Variants in KDM2B observed in about 807,000 individuals in gnomAD.
KDM2B encodes the protein lysine-specific demethylase 2B.
Under a neutral mutation model 150.0 loss-of-function variants are expected in KDM2B, and 26 were observed. The ratio of observed to expected loss-of-function variants is 0.17; its 90% CI spans 0.13 to 0.24. KDM2B has a LOEUF of 0.24. Among genes scored for constraint, KDM2B ranks in the 10% least tolerant of loss-of-function variants. The probability of loss-of-function intolerance (pLI) is 1.00; values close to 1 mark genes in which losing one functional copy is unlikely to be tolerated. For missense variants in KDM2B, 1,265 were observed against 1,816.9 expected, an observed-to-expected ratio of 0.70 and a Z score of 5.52; for synonymous variants, 734 against 729.5, an observed-to-expected ratio of 1.01 and a Z score of -0.10.
chr12:121,420,795 A>AT, the KDM2B span: 1 of 1,585,996 alleles, frequency 6.3e-7, no homozygotes, highest in Non-Finnish European at 8.7e-7. Context: ...TTATCTTTTC[A>AT]TTTTTTCCCT....
At chr12:121,498,501 T>G (rs1178538743) in intron 11 of KDM2B, among the ~76,000 whole-genome samples, 1 of 152,250 alleles carries the variant, frequency 6.6e-6, no homozygotes, top group Non-Finnish European at 1.5e-5. Flanking sequence ...ATCTCTGCAT[T>G]TTTAAATGTT....
chr12:121,421,371 T>TTA, the KDM2B span, among the ~76,000 whole-genome samples: 9 of 46,378 alleles, frequency 1.9e-4, no homozygotes, highest in Non-Finnish European at 3.5e-4. Flanking sequence ...ATCCCATCTC[T>TTA]AAAAAAAAAA....
rs1566367985 is a variant in KDM2B, at chr12:121,518,140, GCCT to G, written c.1047+2842_1047+2844del. On this transcript the variant is annotated intron_variant, in intron 9 of 22. Coordinates refer to ENST00000377071, the MANE Select transcript of KDM2B (RefSeq NM_032590.5). This position sits in a 1 kb window ranked among gnomAD's most constrained non-coding sequence, Gnocchi z 4.4. ...ACCCCTGACCTCAGATCATCCGCCC[GCCT>G]TGGCCTCCCAAAGTGCTGGGATTAC... is the stretch of plus-strand genomic sequence containing the variant. Among the ~76,000 whole-genome samples the G allele has an allele frequency of 6.6e-6, 1 of 152,058 alleles. No homozygotes were observed. The highest frequency in any genetic ancestry group is 1.5e-5 in the Non-Finnish European group (1 of 68,002).
intron 8 of KDM2B, among the ~76,000 whole-genome samples, chr12:121,530,242 A>AG (rs1326401721): frequency 2.0e-5 from 3 of 151,868 alleles, no homozygotes; most frequent in African/African-American, 7.3e-5. Flanking sequence ...AAAAAAAAAA[A>AG]AAAAAAATAC....
chr12:121,440,519 C>T (rs574661497), intron 21 of KDM2B: 14 of 415,716 alleles, frequency 3.4e-5, no homozygotes, highest in Non-Finnish European at 5.7e-5. Context: ...GTGAGATGCA[C>T]GCAGAGCCCC....
intron 12 of KDM2B, among the ~76,000 whole-genome samples, chr12:121,488,717 G>GT (rs1357783947): frequency 3.9e-5 from 6 of 152,168 alleles, no homozygotes; most frequent in African/African-American, 1.4e-4. Flanking sequence ...CGCCTCCCAG[G>GT]TTCAAGCAAT....
chr12:121,498,853 C>T (rs1884235863), intron 11 of KDM2B, among the ~76,000 whole-genome samples: 1 of 152,030 alleles, frequency 6.6e-6, no homozygotes, highest in African/African-American at 2.4e-5. Context: ...CAGAGAGTTG[C>T]CCAGGCTTGA....
intron 6 of KDM2B, among the ~76,000 whole-genome samples, chr12:121,540,158 G>A (rs934161214): frequency 1.3e-5 from 2 of 152,174 alleles, no homozygotes; most frequent in African/African-American, 2.4e-5. Context: ...TGCATGCCAA[G>A]TGTCTATGGT....
chr12:121,528,248 G>T (rs1158903940), intron 8 of KDM2B, among the ~76,000 whole-genome samples: 2 of 152,202 alleles, frequency 1.3e-5, no homozygotes, highest in African/African-American at 4.8e-5. Context: ...AAAGCCTGAA[G>T]AATAGCACCA....
chr12:121,420,914 A>C, the KDM2B span: 1 of 661,062 alleles, frequency 1.5e-6, no homozygotes, highest in Non-Finnish European at 2.6e-6. Flanking sequence ...AGTTAGTTAC[A>C]TGAGCCTGTT....
In KDM2B at chr12:121,467,262, C is replaced by T; in HGVS notation, c.1735-13918G>A. ...CGCGCTGACATGGCTGGAGCGGCGC[C>T]GCCGCCGCCGCCCGCCCGGAGCAGG... On this transcript the variant is annotated intron_variant, in intron 12 of 22. Transcript: ENST00000377071. This position sits in a 1 kb window ranked among gnomAD's most constrained non-coding sequence, Gnocchi z 5.1. The T allele has an allele frequency of 2.0e-6, 2 of 988,078 alleles. No homozygotes were observed. Among genetic ancestry groups the T allele is most frequent in the East Asian group, 1.1e-4 (1 of 8,748 alleles). 61.2% of individuals were successfully genotyped at this position (988,078 alleles called of 1,614,324 possible).
At chr12:121,413,002 A>AT in the KDM2B span, among the ~76,000 whole-genome samples, 1 of 150,012 alleles carries the variant, frequency 6.7e-6, no homozygotes, top group Non-Finnish European at 1.5e-5. Context: ...TACAGGCATG[A>AT]GCCATTGTGC....
chr12:121,531,981 T>TACTTGGGAGGCTGAG (rs1289912583), intron 8 of KDM2B, among the ~76,000 whole-genome samples: 14 of 151,868 alleles, frequency 9.2e-5, no homozygotes, highest in Non-Finnish European at 1.5e-4. Context: ...TAATCCCAGC[T>TACTTGGGAGGCTGAG]ACTTGGGAGG....
chr12:121,513,268 T>C lies in KDM2B; in HGVS notation c.1174+8A>G. The C allele has an allele frequency of 6.2e-7, 1 of 1,612,424 alleles. No homozygotes were observed. Reference sequence around the variant, plus strand: ...GCCGAGGCCGTGGGCTCCCTCCGGTTCACTCACCAATAAGCATCGACTCCC... The same window carrying C: ...GCCGAGGCCGTGGGCTCCCTCCGGTCCACTCACCAATAAGCATCGACTCCC... On this transcript the variant is annotated splice_region_variant and intron_variant, in intron 10 of 22. Coordinates refer to ENST00000377071, the MANE Select transcript of KDM2B (RefSeq NM_032590.5). The surrounding 1 kb of genome is among the most constrained non-coding windows in gnomAD (Gnocchi z 5.0).
At chr12:121,424,726 G>GA (rs1425637830), downstream of KDM2B, among the ~76,000 whole-genome samples, 1 of 142,392 alleles carries the variant, frequency 7.0e-6, no homozygotes, top group Non-Finnish European at 1.5e-5. Context: ...AAAAAAAAAA[G>GA]AAAAAAAAGA....
Position 121,509,554 on chromosome 12 carries a change from C to T in KDM2B, c.1647+13G>A. On this transcript the variant is annotated intron_variant, in intron 11 of 22. Transcript: ENST00000377071. ...TCCTCGGCCGCCCAGCCCCAGACGC[C>T]ACTCCTGCCCACCTTCACACCCTCC... 1.2e-6 allele frequency: 2 copies of T among 1,609,656 alleles called. No homozygotes were observed. The highest frequency in any genetic ancestry group is 1.7e-6 in the Non-Finnish European group (2 of 1,177,956).
intron 4 of KDM2B, among the ~76,000 whole-genome samples, chr12:121,572,347 T>C (rs1315882703): frequency 6.6e-6 from 1 of 152,214 alleles, no homozygotes; most frequent in Non-Finnish European, 1.5e-5. Flanking sequence ...TACAGGAACC[T>C]GGGAGGCCCT....
In KDM2B at chr12:121,580,985, A is replaced by C. The variant is rs986393958; in HGVS notation, c.-74T>G. ...TACCTATAAGGACTGCCTAACTTTT[A>C]AACTCCCGGCACTCAAAGATGTGGA... is the stretch of plus-strand genomic sequence containing the variant. On this transcript the variant is annotated 5_prime_UTR_variant, in exon 1 of 23. Coordinates refer to ENST00000377071, the MANE Select transcript of KDM2B (RefSeq NM_032590.5). 1 of 1,556,610 alleles carries C rather than the reference A, an allele frequency of 6.4e-7. No individual in the cohort carries two copies.
chr12:121,452,422 G>GC lies in KDM2B; in HGVS notation c.1959+697dup, dbSNP rs1190123405. Among the ~76,000 whole-genome samples, 7 of 152,228 alleles carry GC rather than the reference G, an allele frequency of 4.6e-5. No individual in the cohort carries two copies. Among genetic ancestry groups the GC allele is most frequent in the Non-Finnish European group, 1.0e-4 (7 of 68,034 alleles). Reference sequence around the variant, plus strand: ...TGCCAGGCTGGGCCTGCAGATGAGCGCACCAGGGCCGAGGAATCCCGTCCC... The same window carrying GC: ...TGCCAGGCTGGGCCTGCAGATGAGCGCCACCAGGGCCGAGGAATCCCGTCCC... On this transcript the variant is annotated intron_variant, in intron 13 of 22. Transcript: ENST00000377071. This position sits in a 1 kb window ranked among gnomAD's most constrained non-coding sequence, Gnocchi z 4.4.
Sources: gnomAD v4.1 joint callset for allele counts (sites outside exome capture counted in the v4.1 genomes callset) on GRCh38, gnomAD v4.1.1 for gene constraint, Gnocchi (gnomAD v3.1) non-coding constraint, MANE v1.5 for transcripts, NCBI Gene and HGNC (gene_info 2026-07-23, HGNC 2026-07-21) for gene names.